TPO: variants seen among roughly 807,000 people sequenced by gnomAD.
TPO encodes thyroid microsomal antigen.
Under a neutral mutation model 96.9 loss-of-function variants are expected in TPO, and 78 were observed. The observed-to-expected ratio is 0.81, with a 90% CI of 0.67 to 0.97. TPO has a LOEUF of 0.97. TPO is among the 50% of genes least tolerant of loss of function. The pLI, the probability that TPO is intolerant of heterozygous loss-of-function variation, is 0.00. For synonymous variants in TPO, 547 were observed against 538.0 expected, an observed-to-expected ratio of 1.02 and a Z score of -0.23; for missense variants, 1,252 against 1,274.8, an observed-to-expected ratio of 0.98 and a Z score of 0.27.
chr2:1,468,907 A>G (rs1669136631), intron 7 of TPO, among the ~76,000 whole-genome samples: 1 of 152,104 alleles, frequency 6.6e-6, no homozygotes, highest in Admixed American at 6.5e-5. Flanking sequence ...ATATTTTCTT[A>G]TTCTTTTTTC....
rs531346617 is a variant in TPO at position 1,386,191 on chromosome 2, T to A, written n.180+11789T>A. 4.6e-5 allele frequency among the ~76,000 whole-genome samples: 7 copies of A among 152,332 alleles called. No individual in the cohort carries two copies. The East Asian group carries it at 1.3e-3, about 29-fold the overall frequency. The stretch of plus-strand genomic sequence containing the variant: ...GGTGTGGAGAAGAATGTATGTTCTG[T>A]TGATTTGGCGTGGAGAGTTCTATAG... On this transcript the variant is annotated intron_variant and non_coding_transcript_variant, in intron 1 of 5. Coordinates refer to the TPO transcript ENST00000497517.
At chr2:1,540,950 C>G in intron 16 of TPO, 5 of 1,509,278 alleles carry the variant, frequency 3.3e-6, no homozygotes, top group Non-Finnish European at 4.5e-6. Flanking sequence ...TTTGTACAAA[C>G]CGGTTCCAAA....
chr2:1,410,675 G>A (rs189571661), upstream of TPO, among the ~76,000 whole-genome samples: 120 of 110,284 alleles, frequency 1.1e-3, no homozygotes, highest in African/African-American at 3.8e-3. Flanking sequence ...CGGTGGGCCC[G>A]GGACTGGACC....
At position 1,498,413 on chromosome 2, in the gene TPO, G is replaced by A. The variant is rs538187645; in HGVS notation, c.2386+1648G>A. Among the ~76,000 whole-genome samples the A allele has an allele frequency of 7.2e-4, 109 of 152,334 alleles. No individual in the cohort carries two copies. The South Asian group carries it at 0.012, about 16-fold the overall frequency. ...AAGCTGGCCTGGGGAACGGTGCCTC[G>A]GAAATAACTTTCAAACTCACTAACG... is the stretch of plus-strand genomic sequence containing the variant. On this transcript the variant is annotated intron_variant, in intron 13 of 16. Coordinates refer to ENST00000329066, the MANE Select transcript of TPO (RefSeq NM_001206744.2).
chr2:1,453,519 C>A (rs1224292361), intron 5 of TPO, among the ~76,000 whole-genome samples, 175 bp from the exon 6 acceptor site: 1 of 152,158 alleles, frequency 6.6e-6, no homozygotes, highest in East Asian at 1.9e-4. Flanking sequence ...TCCCTTGAAG[C>A]CAGTCATGAC....
Position 1,496,216 on chromosome 2 carries a change from TCA to T in TPO, c.2215+23_2215+24del, listed in dbSNP as rs1558363928. On this transcript the variant is annotated intron_variant, in intron 12 of 16. Coordinates refer to ENST00000329066, the MANE Select transcript of TPO (RefSeq NM_001206744.2). ...CCTCAAGGTGAAGTTCGGTCTCCTC[TCA>T]CACCACGTTACAGCACGTGCATCTC... 6.2e-7 allele frequency: 1 copy of T among 1,611,644 alleles called. No homozygotes were observed. The highest frequency in any genetic ancestry group is 1.7e-5 in the Admixed American group (1 of 59,764).
chr2:1,459,341 G>A (rs534417528), intron 7 of TPO, among the ~76,000 whole-genome samples: 15 of 152,080 alleles, frequency 9.9e-5, no homozygotes, highest in South Asian at 6.2e-4. Flanking sequence ...TAGTAGAGAC[G>A]GGGTGTCACC....
chr2:1,523,850 G>A lies in TPO; in HGVS notation c.2618+6868G>A, dbSNP rs140579279. On this transcript the variant is annotated intron_variant, in intron 15 of 16. Transcript: ENST00000329066. ...GCAAACTCCTCAAATCCCCCCAACTGTGTGTGAGCTCCCCAAATCCCCCCA... is the reference window on the plus strand; with the variant it reads ...GCAAACTCCTCAAATCCCCCCAACTATGTGTGAGCTCCCCAAATCCCCCCA... Among the ~76,000 whole-genome samples the A allele has an allele frequency of 2.7e-3, 189 of 70,634 alleles. 1 individual carries two copies. The highest frequency in any genetic ancestry group is 0.011 in the African/African-American group (179 of 16,326). 46.3% of individuals were successfully genotyped at this position (70,634 alleles called of 152,430 possible).
rs774376731 is a variant in TPO at position 1,477,648 on chromosome 2, GCGGGGGGCGCCT to G, written c.1338+47_1338+58del. ...GGCGCCCTGGGTGGCTGCGGGCAAA[GCGGGGGGCGCCT>G]CGTGTGGGTGCGCAGCATCGTGGCT... is the stretch of plus-strand genomic sequence containing the variant. On this transcript the variant is annotated intron_variant, in intron 8 of 16. Coordinates refer to ENST00000329066, the MANE Select transcript of TPO (RefSeq NM_001206744.2). 9 of 1,443,952 alleles carry G rather than the reference GCGGGGGGCGCCT, an allele frequency of 6.2e-6. No homozygotes were observed. The South Asian group carries it at 1.1e-4, about 18-fold the overall frequency. 89.4% of individuals were successfully genotyped at this position (1,443,952 alleles called of 1,614,324 possible). A position where few individuals can be genotyped will look rare whatever the true frequency, so the allele number is the denominator to read the frequency against.
intron 15 of TPO, among the ~76,000 whole-genome samples, chr2:1,517,789 A>T (rs1162328995): frequency 1.3e-5 from 2 of 152,204 alleles, no homozygotes; most frequent in African/African-American, 4.8e-5. Flanking sequence ...TTTAATGCAC[A>T]ATTGTTCATT....
intron 7 of TPO, among the ~76,000 whole-genome samples, chr2:1,458,145 AAGAT>A (rs1187299063): frequency 1.3e-5 from 2 of 152,004 alleles, no homozygotes; most frequent in Non-Finnish European, 2.9e-5. Context: ...TATGGTATAT[AAGAT>A]AGCGTGTGGA....
At chr2:1,518,343 A>G (rs1486435918) in intron 15 of TPO, among the ~76,000 whole-genome samples, 1 of 152,228 alleles carries the variant, frequency 6.6e-6, no homozygotes, top group Non-Finnish European at 1.5e-5. Context: ...AAAGCTTAGC[A>G]ACCAGATGTT....
chr2:1,537,730 C>CA (rs1455012167), intron 15 of TPO, among the ~76,000 whole-genome samples: 1 of 128,352 alleles, frequency 7.8e-6, no homozygotes. Flanking sequence ...CCCAAATCCC[C>CA]CAACTGTCTG....
chr2:1,492,700 A>C (rs1245193915), intron 10 of TPO, among the ~76,000 whole-genome samples: 1 of 152,042 alleles, frequency 6.6e-6, no homozygotes, highest in Admixed American at 6.6e-5. Context: ...CCTGGGGGGA[A>C]CCAGCCCAGT....
intron 5 of TPO, among the ~76,000 whole-genome samples, chr2:1,446,548 T>A (rs1212678384): frequency 1.3e-5 from 2 of 151,692 alleles, no homozygotes. Context: ...TCCTGGTGAC[T>A]AATTGTCTTG....
At chr2:1,435,094 C>T (rs562607647) in intron 4 of TPO, among the ~76,000 whole-genome samples, 66 of 152,246 alleles carry the variant, frequency 4.3e-4, no homozygotes, top group African/African-American at 1.5e-3. Flanking sequence ...CCACCACACC[C>T]GGCTAATTTT....
intron 15 of TPO, among the ~76,000 whole-genome samples, chr2:1,530,360 G>C (rs74169646): frequency 1 from 133,230 of 133,406 alleles, 66,527 homozygotes; most frequent in Middle Eastern, 1. Context: ...TGTGTGCAAC[G>C]TCCCCAAATA....
Position 1,506,442 on chromosome 2 carries a change from C to A in TPO, c.2518+2363C>A, listed in dbSNP as rs1171838403. ...TCAAATGGTATTTCTAGTTCTAGAT[C>A]CCTGAGGAATCGCCACACTGCCTTC... is the stretch of plus-strand genomic sequence containing the variant. On this transcript the variant is annotated intron_variant, in intron 14 of 16. Transcript: ENST00000329066. Among the ~76,000 whole-genome samples the A allele has an allele frequency of 2.0e-5, 3 of 152,132 alleles. 1 individual carries two copies. The highest frequency in any genetic ancestry group is 1.5e-5 in the Non-Finnish European group (1 of 68,036).
At chr2:1,511,040 A>G (rs191350282) in intron 14 of TPO, among the ~76,000 whole-genome samples, 1 of 152,374 alleles carries the variant, frequency 6.6e-6, no homozygotes, top group African/African-American at 2.4e-5. Context: ...TCCCTACATA[A>G]GTTTAGATGT....
Sources: allele counts gnomAD v4.1 joint callset (sites outside exome capture counted in the v4.1 genomes callset), GRCh38; gene constraint gnomAD v4.1.1; transcripts MANE v1.5; gene names NCBI Gene and HGNC (gene_info 2026-07-23, HGNC 2026-07-21).